DTNA: variants seen among roughly 807,000 people sequenced by gnomAD.
DTNA encodes the protein dystrophin-related protein 3.
In DTNA, 43 loss-of-function variants were observed where a neutral mutation model predicts 100.7. The observed-to-expected ratio is 0.43, with a 90% CI of 0.33 to 0.55. DTNA has a LOEUF of 0.55. Among genes scored for constraint, DTNA ranks in the 20% least tolerant of loss-of-function variants. DTNA has a pLI of 0.04. For synonymous variants in DTNA, 349 were observed against 347.9 expected (o/e 1.00, Z -0.04); for missense variants, 798 against 953.9 (o/e 0.84, Z 2.15).
At chr18:34,662,302 AC>A (rs1230987834) in intron 1 of DTNA, among the ~76,000 whole-genome samples, 1 of 152,174 alleles carries the variant, frequency 6.6e-6, no homozygotes, top group East Asian at 1.9e-4. Flanking sequence ...TCCTTGACTT[AC>A]ACTTACCTAT....
Position 34,623,805 on chromosome 18 carries a change from A to G in DTNA, c.-2+130291A>G, listed in dbSNP as rs115080861. Reference sequence around the variant, plus strand: ...CATGTATAGCAAGAAATGCAGTCACACCATTGAATGAGGCATCAGTGTTGT... The same window carrying G: ...CATGTATAGCAAGAAATGCAGTCACGCCATTGAATGAGGCATCAGTGTTGT... On this transcript the variant is annotated intron_variant, in intron 1 of 19. Coordinates refer to the DTNA transcript ENST00000283365. 5.3e-3 allele frequency among the ~76,000 whole-genome samples: 811 copies of G among 152,340 alleles called. 9 individuals are homozygous for G. The highest frequency in any genetic ancestry group is 0.018 in the African/African-American group (766 of 41,586).
At chr18:34,522,379 T>C (rs1246874469) in intron 1 of DTNA, among the ~76,000 whole-genome samples, 3 of 152,172 alleles carry the variant, frequency 2.0e-5, no homozygotes, top group African/African-American at 7.2e-5. Context: ...ACACGTATTG[T>C]CTCTTCTAGA....
In DTNA at chr18:34,815,921, T is replaced by C. The variant is rs1023824239; in HGVS notation, c.616T>C (p.Leu206=). The change falls in exon 7 of 23, where the codon TTA becomes CTA. Residue 206 remains leucine (L), a synonymous_variant. Coordinates refer to ENST00000444659, the MANE Select transcript of DTNA (RefSeq NM_001386795.1). ...TTTTTTTATGCAGAAAAAAGTCACG[T>C]TAAATGGTTTCTTGGACACGCTTAT... ...SCFSQQKKVT[L]NGFLDTLMSD... 1.2e-6 allele frequency: 2 copies of C among 1,613,732 alleles called. No individual in the cohort carries two copies. The highest frequency in any genetic ancestry group is 4.5e-5 in the East Asian group (2 of 44,864).
chr18:34,641,498 C>G (rs1220418751), intron 1 of DTNA, among the ~76,000 whole-genome samples: 2 of 152,218 alleles, frequency 1.3e-5, no homozygotes, highest in Non-Finnish European at 2.9e-5. Context: ...CTTCCTATGA[C>G]AGCCCCTTAA....
chr18:34,760,391 ATT>A (rs771705854), intron 2 of DTNA, among the ~76,000 whole-genome samples: 14 of 152,046 alleles, frequency 9.2e-5, no homozygotes, highest in Non-Finnish European at 1.3e-4. Flanking sequence ...TCCATATACA[ATT>A]TGTCTTTCTC....
chr18:34,752,535 C>T (rs1482956177), intron 1 of DTNA, among the ~76,000 whole-genome samples: 1 of 152,112 alleles, frequency 6.6e-6, no homozygotes, highest in East Asian at 1.9e-4. Flanking sequence ...ATCTAGCAGG[C>T]CTCCCATTTT....
At chr18:34,715,261 G>C (rs1279498042) in intron 1 of DTNA, among the ~76,000 whole-genome samples, 5 of 151,920 alleles carry the variant, frequency 3.3e-5, no homozygotes, top group Non-Finnish European at 5.9e-5. Flanking sequence ...TACAATGTGT[G>C]GGTCAGTATC....
At chr18:34,825,529 C>A (rs2095840583) in intron 9 of DTNA, among the ~76,000 whole-genome samples, 1 of 152,094 alleles carries the variant, frequency 6.6e-6, no homozygotes, top group African/African-American at 2.4e-5. Flanking sequence ...TTCAAAATTC[C>A]CAGTGTGAGC....
At chr18:34,778,908 C>T (rs1233662930) in intron 3 of DTNA, among the ~76,000 whole-genome samples, 1 of 152,002 alleles carries the variant, frequency 6.6e-6, no homozygotes, top group Admixed American at 6.6e-5. Context: ...AGCTCCACCT[C>T]CCAGGTTCAC....
chr18:34,538,241 A>G (rs1379763923), intron 1 of DTNA, among the ~76,000 whole-genome samples: 1 of 152,076 alleles, frequency 6.6e-6, no homozygotes, highest in Non-Finnish European at 1.5e-5. Context: ...TCAGGCCACA[A>G]CCCAGACCTA....
rs367609186 is a variant in DTNA, at chr18:34,725,212, A to C, written c.-2+14767A>C. Among the ~76,000 whole-genome samples the C allele has an allele frequency of 2.2e-3, 342 of 152,340 alleles. 1 individual carries two copies. Among genetic ancestry groups the C allele is most frequent in the South Asian group, 5.0e-3 (24 of 4,826 alleles). The stretch of plus-strand genomic sequence containing the variant: ...CAAAGACTTCATGACTAAAACACCA[A>C]AAGCAATGACAACAAAAGGCAAAAT... On this transcript the variant is annotated intron_variant, in intron 1 of 22. Coordinates refer to ENST00000444659, the MANE Select transcript of DTNA (RefSeq NM_001386795.1).
upstream of DTNA, among the ~76,000 whole-genome samples, chr18:34,705,572 A>T (rs905712609): frequency 2.0e-5 from 3 of 152,202 alleles, no homozygotes; most frequent in Admixed American, 6.5e-5. Flanking sequence ...TTTAAGCCTC[A>T]GATTCCTCAT....
intron 1 of DTNA, among the ~76,000 whole-genome samples, chr18:34,626,009 T>G (rs2057270943): frequency 6.6e-6 from 1 of 152,180 alleles, no homozygotes; most frequent in Non-Finnish European, 1.5e-5. Context: ...GGATTTGATC[T>G]GATAGGAACA....
Position 34,770,943 on chromosome 18 carries a change from C to A in DTNA, c.148+4902C>A, listed in dbSNP as rs543892237. ...GATTACAGGCGTGCACCACCACGCC[C>A]GGCTAATTTTGTGTTTTTAGTAGAG... On this transcript the variant is annotated intron_variant, in intron 3 of 22. Coordinates refer to ENST00000444659, the MANE Select transcript of DTNA (RefSeq NM_001386795.1). 2.0e-5 allele frequency among the ~76,000 whole-genome samples: 3 copies of A among 151,934 alleles called. No individual in the cohort carries two copies. The South Asian group carries it at 6.2e-4, about 32-fold the overall frequency.
intron 1 of DTNA, among the ~76,000 whole-genome samples, chr18:34,502,858 A>G (rs982317303): frequency 6.6e-6 from 1 of 152,204 alleles, no homozygotes; most frequent in Non-Finnish European, 1.5e-5. Context: ...TGTTCTATAA[A>G]TGCTGATTAA....
chr18:34,613,145 A>G (rs1008949340), intron 1 of DTNA, among the ~76,000 whole-genome samples: 4 of 152,194 alleles, frequency 2.6e-5, no homozygotes, highest in African/African-American at 9.7e-5. Context: ...ATCTACAACT[A>G]GTAGTCTTTG....
At chr18:34,715,461 TTTAA>T (rs1309491157) in intron 1 of DTNA, among the ~76,000 whole-genome samples, 2 of 151,678 alleles carry the variant, frequency 1.3e-5, no homozygotes, top group African/African-American at 4.9e-5. Context: ...ATTTCAATAT[TTTAA>T]TTGTTTTTAA....
chr18:34,685,003 C>A (rs186223623), intron 1 of DTNA, among the ~76,000 whole-genome samples: 1 of 152,018 alleles, frequency 6.6e-6, no homozygotes, highest in East Asian at 1.9e-4. Context: ...TTGCTTTTTT[C>A]TTGTAAATTT....
At chr18:34,838,472 C>T (rs535435488) in intron 12 of DTNA, among the ~76,000 whole-genome samples, 54 of 152,180 alleles carry the variant, frequency 3.5e-4, no homozygotes, top group Admixed American at 2.3e-3. Flanking sequence ...CAGATGAATA[C>T]CTTGGCCTTA....
Sources: allele counts gnomAD v4.1 joint callset (sites outside exome capture counted in the v4.1 genomes callset), GRCh38; gene constraint gnomAD v4.1.1; transcripts MANE v1.5; gene names NCBI Gene and HGNC (gene_info 2026-07-23, HGNC 2026-07-21).